CNTNAP2: variants seen among roughly 807,000 people sequenced by gnomAD.
The protein encoded by CNTNAP2 is contactin-associated protein-like 2.
A neutral mutation model predicts 155.2 loss-of-function variants in CNTNAP2; 98 were observed. The ratio of observed to expected loss-of-function variants is 0.63; its 90% CI spans 0.54 to 0.75. The LOEUF (loss-of-function observed/expected upper bound fraction) is 0.75. Among genes scored for constraint, CNTNAP2 ranks in the 30% least tolerant of loss-of-function variants. The pLI is 0.00. For synonymous variants in CNTNAP2, 651 were observed against 631.2 expected (o/e 1.03, Z -0.47); for missense variants, 1,727 against 1,688.1 (o/e 1.02, Z -0.40).
chr7:148,209,824 C>T (rs1343446071), intron 18 of CNTNAP2, among the ~76,000 whole-genome samples: 3 of 152,206 alleles, frequency 2.0e-5, no homozygotes, highest in Non-Finnish European at 4.4e-5. Flanking sequence ...CACGACCTTT[C>T]TATCTAGCCT....
rs6956376 is a variant in CNTNAP2, at chr7:147,557,863, G to A, written c.1778-4275G>A. Reference sequence around the variant, plus strand: ...TCATAGCAAAGCCGCAATTACTTTTGCACCAACTTAATACCTCAATTTTAC... The same window carrying A: ...TCATAGCAAAGCCGCAATTACTTTTACACCAACTTAATACCTCAATTTTAC... On this transcript the variant is annotated intron_variant, in intron 11 of 23. Coordinates refer to ENST00000361727, the MANE Select transcript of CNTNAP2 (RefSeq NM_014141.6). 3.0e-3 allele frequency among the ~76,000 whole-genome samples: 459 copies of A among 152,262 alleles called. 3 individuals carry two copies. Among genetic ancestry groups the A allele is most frequent in the African/African-American group, 0.01 (418 of 41,538 alleles).
chr7:147,553,629 C>T (rs1584808930), intron 11 of CNTNAP2, among the ~76,000 whole-genome samples: 4 of 152,018 alleles, frequency 2.6e-5, no homozygotes, highest in African/African-American at 9.7e-5. Flanking sequence ...TTACTTTTTT[C>T]TTCCTAGGGC....
intron 1 of CNTNAP2, among the ~76,000 whole-genome samples, chr7:146,143,283 A>G (rs1033840710): frequency 2.0e-5 from 3 of 152,214 alleles, no homozygotes; most frequent in African/African-American, 7.2e-5. Context: ...AAAATAAAGA[A>G]CTGAAACTCA....
At chr7:146,146,644 A>G (rs1054548339) in intron 1 of CNTNAP2, among the ~76,000 whole-genome samples, 12 of 152,150 alleles carry the variant, frequency 7.9e-5, no homozygotes, top group Non-Finnish European at 1.5e-5. Context: ...ACTTGACATA[A>G]TATTTATAAA....
At chr7:147,165,167 G>T (rs200635748) in intron 8 of CNTNAP2, among the ~76,000 whole-genome samples, 6 of 121,830 alleles carry the variant, frequency 4.9e-5, no homozygotes, top group Non-Finnish European at 1.1e-4. Flanking sequence ...AGTATTTTTT[G>T]ATTTTTTTTT....
chr7:146,155,290 A>G (rs1159819018), intron 1 of CNTNAP2, among the ~76,000 whole-genome samples: 2 of 152,214 alleles, frequency 1.3e-5, no homozygotes, highest in African/African-American at 4.8e-5. Flanking sequence ...TTGTTGTTTA[A>G]GGCATTTAAT....
At chr7:147,030,140 G>T (rs1799001520) in intron 3 of CNTNAP2, among the ~76,000 whole-genome samples, 1 of 152,184 alleles carries the variant, frequency 6.6e-6, no homozygotes, top group African/African-American at 2.4e-5. Flanking sequence ...CATCAAAAGT[G>T]TTGGTTACTG....
chr7:146,352,065 G>C (rs1287537895), intron 1 of CNTNAP2, among the ~76,000 whole-genome samples: 1 of 152,154 alleles, frequency 6.6e-6, no homozygotes, highest in Non-Finnish European at 1.5e-5. Context: ...CTACAAAATG[G>C]CAGAGTTGGG....
At chr7:148,283,255 A>AAAAAAGAAAG (rs1797008189) in intron 21 of CNTNAP2, among the ~76,000 whole-genome samples, 1 of 63,626 alleles carries the variant, frequency 1.6e-5, no homozygotes, top group Non-Finnish European at 2.9e-5. Context: ...AAAAAAAAAA[A>AAAAAAGAAAG]AAAGAAAGAA....
chr7:147,605,140 C>T (rs907686305), intron 12 of CNTNAP2, among the ~76,000 whole-genome samples: 10 of 152,104 alleles, frequency 6.6e-5, no homozygotes, highest in Non-Finnish European at 1.5e-4. Flanking sequence ...TCCTACTATA[C>T]CTACTGCCTC....
rs553526273 is a variant in CNTNAP2 at position 148,037,776 on chromosome 7, A to T, written c.2383+59787A>T. Among the ~76,000 whole-genome samples, 6 of 152,386 alleles carry T rather than the reference A, an allele frequency of 3.9e-5. No homozygotes were observed. The East Asian group carries it at 1.2e-3, about 29-fold the overall frequency. On this transcript the variant is annotated intron_variant, in intron 15 of 23. Coordinates refer to ENST00000361727, the MANE Select transcript of CNTNAP2 (RefSeq NM_014141.6). ...ATTTATAAATTAAAGCTTATCATAG[A>T]CATGTATGAATAGGAAAAAAACATA...
intron 17 of CNTNAP2, among the ~76,000 whole-genome samples, chr7:148,160,623 A>C (rs886153636): frequency 6.6e-5 from 10 of 152,186 alleles, no homozygotes; most frequent in African/African-American, 2.4e-4. Context: ...GTGAAAATAA[A>C]GATGCAATAT....
intron 10 of CNTNAP2, among the ~76,000 whole-genome samples, chr7:147,442,785 G>A (rs1563205543): frequency 6.6e-6 from 1 of 152,100 alleles, no homozygotes; most frequent in Non-Finnish European, 1.5e-5. Context: ...CCCAGGGTAT[G>A]TCTAGAAATG....
Position 147,248,199 on chromosome 7 carries a change from T to A in CNTNAP2, c.1349-51942T>A, listed in dbSNP as rs374413349. Among the ~76,000 whole-genome samples the A allele has an allele frequency of 8.5e-5, 13 of 152,228 alleles. No homozygotes were observed. In the East Asian group the frequency reaches 1.2e-3, roughly 14 times the overall value. ...GCCAAAGACTAAGTCTGAAACACATTTAAAATAGTTGTTTATTTACAAAAT... is the reference window on the plus strand; with the variant it reads ...GCCAAAGACTAAGTCTGAAACACATATAAAATAGTTGTTTATTTACAAAAT... On this transcript the variant is annotated intron_variant, in intron 8 of 23. Transcript: ENST00000361727.
intron 18 of CNTNAP2, among the ~76,000 whole-genome samples, chr7:148,196,648 A>C (rs1204507434): frequency 6.6e-6 from 1 of 152,226 alleles, no homozygotes; most frequent in African/African-American, 2.4e-5. Context: ...CTAACATGAA[A>C]ACTGAGGCAT....
chr7:146,492,188 C>T (rs1191540364), intron 1 of CNTNAP2, among the ~76,000 whole-genome samples: 2 of 140,388 alleles, frequency 1.4e-5, no homozygotes, highest in Non-Finnish European at 3.0e-5. Context: ...TTTGCTAAGA[C>T]CAAATACATA....
chr7:147,257,398 A>T (rs1022803896), intron 8 of CNTNAP2, among the ~76,000 whole-genome samples: 3 of 152,220 alleles, frequency 2.0e-5, no homozygotes, highest in Non-Finnish European at 1.5e-5. Context: ...ATCTAATCAG[A>T]TAACCTAGGA....
chr7:147,400,682 C>G (rs1328843340), intron 10 of CNTNAP2, among the ~76,000 whole-genome samples: 1 of 152,102 alleles, frequency 6.6e-6, no homozygotes, highest in Non-Finnish European at 1.5e-5. Context: ...AAGAGCTAAG[C>G]AGAAGTTAGC....
chr7:147,516,745 G>A (rs1488284398), intron 11 of CNTNAP2, among the ~76,000 whole-genome samples: 1 of 151,340 alleles, frequency 6.6e-6, no homozygotes, highest in African/African-American at 2.4e-5. Context: ...TTAATTTCAG[G>A]TGTTTCTTCT....
Sources: gnomAD v4.1 joint callset for allele counts (sites outside exome capture counted in the v4.1 genomes callset) on GRCh38, gnomAD v4.1.1 for gene constraint, MANE v1.5 for transcripts, NCBI Gene and HGNC (gene_info 2026-07-23, HGNC 2026-07-21) for gene names.